The following ADAM33 variants were observed in gnomAD, a reference collection of about 807,000 sequenced individuals.
The protein encoded by ADAM33 is ADAM metallopeptidase domain 33, also known as disintegrin and metalloproteinase domain-containing protein 33.
In ADAM33, 103 loss-of-function variants were observed where a neutral mutation model predicts 106.2. The ratio of observed to expected loss-of-function variants is 0.97; its 90% CI spans 0.83 to 1.14. The LOEUF (loss-of-function observed/expected upper bound fraction) is 1.14, where lower values mean the gene tolerates loss of function less well. ADAM33 is among the 50% of genes most tolerant of loss of function. ADAM33 has a pLI of 0.00. For missense variants in ADAM33, 1,120 were observed against 1,096.6 expected (o/e 1.02, Z -0.30); for synonymous variants, 483 against 453.0 (o/e 1.07, Z -0.84).
rs367769406 is a variant in ADAM33 at position 3,671,119 on chromosome 20, G to T, written c.2127C>A (p.Ser709Arg). 137 of 1,607,602 alleles carry T rather than the reference G, an allele frequency of 8.5e-5. No homozygotes were observed. Among genetic ancestry groups the T allele is most frequent in the Non-Finnish European group, 1.1e-4 (124 of 1,177,278 alleles). Reference protein sequence around the residue: ...HDTFLLAMLLSVLLPLLPGAG... With the variant: ...HDTFLLAMLLRVLLPLLPGAG... ...CCCCTGGGAGCAGAGGCAGCAGGAC[G>T]CTGAGGAGCATGGCCAGCAGGAAGG... Residue 709 changes from serine to arginine, a missense_variant, in exon 19 of 22, where the codon AGC (serine) becomes AGA (arginine). Coordinates refer to ENST00000356518, the MANE Select transcript of ADAM33 (RefSeq NM_025220.5).
intron 1 of ADAM33, 27 bp from the exon 2 acceptor site, chr20:3,679,598 A>G (rs1359280161): frequency 1.0e-5 from 16 of 1,586,236 alleles, no homozygotes; most frequent in Non-Finnish European, 1.4e-5. Flanking sequence ...GCACAGGGTG[A>G]GGGGGACCTG....
intron 2 of ADAM33, among the ~76,000 whole-genome samples, chr20:3,678,604 T>C (rs144823272): frequency 8.5e-5 from 13 of 152,314 alleles, no homozygotes; most frequent in African/African-American, 2.4e-4. Context: ...TTCATGGCAA[T>C]GCTCCCCTGC....
In ADAM33 at chr20:3,672,243, G is replaced by A; in HGVS notation, c.1488C>T (p.Pro496=). 1 of 1,613,430 alleles carries A rather than the reference G, an allele frequency of 6.2e-7. No individual in the cohort carries two copies. The highest frequency in any genetic ancestry group is 8.5e-7 in the Non-Finnish European group (1 of 1,180,028). The change falls in exon 14 of 22, where the codon CCC becomes CCT. Residue 496 remains proline, a synonymous_variant. Transcript: ENST00000356518. ...EFCTGTSSHC[P]PDVYLLDGSP... ...AGCCGTCCAGTAGGTAAACGTCTGG[G>A]GGACAGTGGGAGGAGGTGCCCGTGC...
intron 3 of ADAM33, among the ~76,000 whole-genome samples, chr20:3,676,162 G>T (rs368866665): frequency 6.6e-6 from 1 of 152,128 alleles, no homozygotes; most frequent in Non-Finnish European, 1.5e-5. Flanking sequence ...GCTCCAGCCC[G>T]GACACCCACC....
intron 1 of ADAM33, among the ~76,000 whole-genome samples, chr20:3,681,429 G>C (rs2088482372): frequency 6.6e-6 from 1 of 152,214 alleles, no homozygotes; most frequent in Non-Finnish European, 1.5e-5. Flanking sequence ...GCCACAGCTA[G>C]TTCTGCAGCC....
At position 3,674,171 on chromosome 20, in the gene ADAM33, G is replaced by C. The variant is rs750192744; in HGVS notation, c.667-36C>G. ...AGAAATCCCGGTGGCTTGAGGGGCT[G>C]AGCTGGCCCCATCCCTGACCCCGCC... is the stretch of plus-strand genomic sequence containing the variant. On this transcript the variant is annotated intron_variant, in intron 7 of 21. Transcript: ENST00000356518. 4 of 1,614,048 alleles carry C rather than the reference G, an allele frequency of 2.5e-6. No homozygotes were observed. In the African/African-American group the frequency reaches 4.0e-5, roughly 16 times the overall value.
At chr20:3,672,366 G>A in intron 13 of ADAM33, 37 bp from the exon 14 acceptor site, 2 of 1,603,768 alleles carry the variant, frequency 1.2e-6, no homozygotes, top group Non-Finnish European at 1.7e-6. Context: ...GGCAGAGAGA[G>A]GCCACGTGCA....
Position 3,674,070 on chromosome 20 carries a change from C to T in ADAM33, c.732G>A (p.Val244=). The part of the protein sequence containing the change: ...KQRLLEVANY[V]DQLLRTLDIQ... ...TCTCCCCGCCGCCCCCAACCTGGTC[C>T]ACGTAGTTGGCGACTTCCAGGAGAC... Residue 244 remains valine (V), a synonymous_variant, in exon 8 of 22, where the codon GTG becomes GTA. Transcript: ENST00000356518. 3 of 1,614,160 alleles carry T rather than the reference C, an allele frequency of 1.9e-6. No individual in the cohort carries two copies. The highest frequency in any genetic ancestry group is 1.1e-5 in the South Asian group (1 of 91,084).
chr20:3,671,318 A>G lies in ADAM33; in HGVS notation c.2011T>C (p.Cys671Arg), dbSNP rs764301730. ...AAGGGTGGAGCCCAGCCTGGAGCACAGTGGCAGTTATGGTTGCTATTGCAA... is the reference window on the plus strand; with the variant it reads ...AAGGGTGGAGCCCAGCCTGGAGCACGGTGGCAGTTATGGTTGCTATTGCAA... ...GVCNSNHNCH[C>R]APGWAPPFCD... The change falls in exon 18 of 22, where the codon TGT becomes CGT. Residue 671 changes from cysteine to arginine, a missense_variant. Physicochemically the swap from Cys to Arg is radical, Grantham distance 180. Coordinates refer to ENST00000356518, the MANE Select transcript of ADAM33 (RefSeq NM_025220.5). 2 of 1,613,976 alleles carry G rather than the reference A, an allele frequency of 1.2e-6. No individual in the cohort carries two copies. Among genetic ancestry groups the G allele is most frequent in the Non-Finnish European group, 1.7e-6 (2 of 1,179,968 alleles).
chr20:3,678,961 A>T (rs2088207267), intron 2 of ADAM33, among the ~76,000 whole-genome samples: 1 of 152,098 alleles, frequency 6.6e-6, no homozygotes, highest in Non-Finnish European at 1.5e-5. Flanking sequence ...GGGTGGTCTT[A>T]CATCTGGGGG....
Position 3,671,349 on chromosome 20 carries a change from C to A in ADAM33, c.1984-4G>T. On this transcript the variant is annotated splice_polypyrimidine_tract_variant and splice_region_variant and intron_variant, in intron 17 of 21. Coordinates refer to ENST00000356518, the MANE Select transcript of ADAM33 (RefSeq NM_025220.5). The stretch of plus-strand genomic sequence containing the variant: ...AGTTATGGTTGCTATTGCAAACCTG[C>A]AGAGAAGAGAAGAGGAGGGTCACGT... 6.2e-7 allele frequency: 1 copy of A among 1,613,542 alleles called. No homozygotes were observed. Among genetic ancestry groups the A allele is most frequent in the Non-Finnish European group, 8.5e-7 (1 of 1,179,700 alleles).
In ADAM33 at chr20:3,673,774, C is replaced by T; in HGVS notation, c.876G>A (p.Gln292=). The T allele has an allele frequency of 6.5e-7, 1 of 1,529,806 alleles. No homozygotes were observed. The highest frequency in any genetic ancestry group is 1.4e-5 in the African/African-American group (1 of 72,820). 94.8% of individuals were successfully genotyped at this position (1,529,806 alleles called of 1,614,324 possible). A position where few individuals can be genotyped will look rare whatever the true frequency, so the allele number is the denominator to read the frequency against. Residue 292 remains glutamine, a synonymous_variant, in exon 9 of 22, where the codon CAG becomes CAA. Transcript: ENST00000356518. The stretch of plus-strand genomic sequence containing the variant: ...GCAGCTGCGCGGAGTCGTGGGGCCG[C>T]TGCGCCCACAGCCCCCGGCGCCACT... The part of the protein sequence containing the change: ...FLQWRRGLWA[Q]RPHDSAQLLT...
In ADAM33 at chr20:3,672,882, C is replaced by T. The variant is rs1481742958; in HGVS notation, c.1150G>A (p.Val384Met). The T allele has an allele frequency of 6.4e-7, 1 of 1,573,792 alleles. No individual in the cohort carries two copies. Among genetic ancestry groups the T allele is most frequent in the Non-Finnish European group, 8.6e-7 (1 of 1,169,294 alleles). Residue 384 changes from valine to methionine, a missense_variant, in exon 12 of 22, where the codon GTG becomes ATG. Physicochemically the swap from Val to Met is conservative, Grantham distance 21. Transcript: ENST00000356518. ...AAATGHPFPRVFSACSRRQLR... is the reference protein window; with the variant it reads ...AAATGHPFPRMFSACSRRQLR... Reference sequence around the variant, plus strand: ...TGGCGGCGGCTGCAGGCGCTGAACACGCGCGGAAACGGGTGCCTACCGGCA... The same window carrying T: ...TGGCGGCGGCTGCAGGCGCTGAACATGCGCGGAAACGGGTGCCTACCGGCA...
At chr20:3,670,084 A>C in intron 19 of ADAM33, 1 of 262,706 alleles carries the variant, frequency 3.8e-6, no homozygotes, top group Non-Finnish European at 7.4e-6. Context: ...GTTCCTTCAA[A>C]ACATTCTCCC....
intron 21 of ADAM33, 120 bp from the exon 22 acceptor site, chr20:3,669,120 C>T (rs1257635920): frequency 3.8e-6 from 5 of 1,301,772 alleles, no homozygotes; most frequent in Non-Finnish European, 5.6e-6. Context: ...CACAGCTTCT[C>T]CCTCCCCAGC....
In ADAM33 at chr20:3,673,800, G is replaced by T. The variant is rs996239282; in HGVS notation, c.850C>A (p.Gln284Lys). ...DANATLWAFL[Q>K]WRRGLWAQRP... Reference sequence around the variant, plus strand: ...TGCGCCCACAGCCCCCGGCGCCACTGCAGGAAGGCCCAGAGCGTGGCGTTG... The same window carrying T: ...TGCGCCCACAGCCCCCGGCGCCACTTCAGGAAGGCCCAGAGCGTGGCGTTG... Residue 284 changes from glutamine to lysine, a missense_variant, in exon 9 of 22, where the codon CAG (glutamine) becomes AAG (lysine). Physicochemically the swap from Gln to Lys is moderately conservative, Grantham distance 53. Coordinates refer to ENST00000356518, the MANE Select transcript of ADAM33 (RefSeq NM_025220.5). 2 of 1,541,608 alleles carry T rather than the reference G, an allele frequency of 1.3e-6. No homozygotes were observed. The highest frequency in any genetic ancestry group is 1.4e-5 in the African/African-American group (1 of 73,586).
chr20:3,676,764 A>G (rs928323657), intron 3 of ADAM33, among the ~76,000 whole-genome samples: 2 of 151,994 alleles, frequency 1.3e-5, no homozygotes, highest in African/African-American at 4.8e-5. Context: ...TTTTCCCTCT[A>G]GGATTTCTTT....
In ADAM33 at chr20:3,673,639, C is replaced by T. The variant is rs2087721024; in HGVS notation, c.925G>A (p.Ala309Thr). The T allele has an allele frequency of 2.1e-5, 28 of 1,349,540 alleles. 1 individual carries two copies. The highest frequency in any genetic ancestry group is 2.6e-5 in the Non-Finnish European group (28 of 1,057,944). 83.6% of individuals were successfully genotyped at this position (1,349,540 alleles called of 1,614,324 possible). The change falls in exon 10 of 22, where the codon GCC becomes ACC. Residue 309 changes from alanine (A) to threonine (T), a missense_variant. Physicochemically the swap from Ala to Thr is moderately conservative, Grantham distance 58. Coordinates refer to ENST00000356518, the MANE Select transcript of ADAM33 (RefSeq NM_025220.5). ...TCGACGGGCGCCAGGCCCACTGTGG[C>T]GCCCTGGAAGGCGCGGCCCCTGGGG... Reference protein sequence around the residue: ...QLLTGRAFQGATVGLAPVEGM... With the variant: ...QLLTGRAFQGTTVGLAPVEGM...
At position 3,679,516 on chromosome 20, in the gene ADAM33, C is replaced by T; in HGVS notation, c.153G>A (p.Trp51Ter). The change falls in exon 2 of 22, where the codon TGG becomes TGA. Residue 51 changes from tryptophan (W) to a stop codon, truncating the protein, a stop_gained. Transcript: ENST00000356518. LOFTEE classifies it high-confidence loss of function. ...TPHWVLDGQPWRTVSLEEPVS... is the reference protein window; with the variant it reads ...TPHWVLDGQP ...CCGGCTCCTCCAGGCTGACGGTGCG[C>T]CAGGGTTGTCCATCCAGGACCCAGT... The T allele has an allele frequency of 1.2e-6, 2 of 1,610,138 alleles. No individual in the cohort carries two copies. Among genetic ancestry groups the T allele is most frequent in the Non-Finnish European group, 1.7e-6 (2 of 1,178,454 alleles).
Sources: allele counts gnomAD v4.1 joint callset (sites outside exome capture counted in the v4.1 genomes callset), GRCh38; gene constraint gnomAD v4.1.1; transcripts MANE v1.5; gene names NCBI Gene and HGNC (gene_info 2026-07-23, HGNC 2026-07-21).